WDFY4: variants seen among roughly 807,000 people sequenced by gnomAD.
WDFY4 encodes the protein WDFY family member 4.
In WDFY4, 169 loss-of-function variants were observed where a neutral mutation model predicts 351.9. The observed-to-expected ratio is 0.48, with a 90% CI of 0.42 to 0.55. The LOEUF is 0.55. Among genes scored for constraint, WDFY4 ranks in the 20% least tolerant of loss-of-function variants. The probability of loss-of-function intolerance (pLI) is 0.00; values close to 1 mark genes in which losing one functional copy is unlikely to be tolerated. For missense variants in WDFY4, 3,803 were observed against 3,935.6 expected (o/e 0.97, Z 0.90); for synonymous variants, 1,622 against 1,574.6 (o/e 1.03, Z -0.71).
At chr10:48,919,304 G>T (rs1838840018) in intron 47 of WDFY4, among the ~76,000 whole-genome samples, 1 of 152,098 alleles carries the variant, frequency 6.6e-6, no homozygotes, top group African/African-American at 2.4e-5. Context: ...GAGGAACTTA[G>T]ATAAGATCAA....
At position 48,782,743 on chromosome 10, in the gene WDFY4, G is replaced by A. The variant is rs537430396; in HGVS notation, c.3576+2624G>A. Among the ~76,000 whole-genome samples the A allele has an allele frequency of 1.2e-4, 18 of 152,352 alleles. No individual in the cohort carries two copies. The South Asian group carries it at 3.3e-3, about 28-fold the overall frequency. On this transcript the variant is annotated intron_variant, in intron 19 of 61. Coordinates refer to ENST00000325239, the MANE Select transcript of WDFY4 (RefSeq NM_001394531.1). The stretch of plus-strand genomic sequence containing the variant: ...TTAACAGCCCTTCTCAAAATGCTGA[G>A]CCTTTGTTTTTATTGCCAAAGGAAA...
At chr10:48,848,134 G>T (rs951818469) in intron 39 of WDFY4, among the ~76,000 whole-genome samples, 3 of 152,080 alleles carry the variant, frequency 2.0e-5, no homozygotes, top group South Asian at 2.1e-4. Context: ...CCTGAGCCCC[G>T]ACCATAGCTT....
At chr10:48,691,208 A>C (rs543067836) in intron 1 of WDFY4, among the ~76,000 whole-genome samples, 1 of 151,844 alleles carries the variant, frequency 6.6e-6, no homozygotes, top group South Asian at 2.1e-4. Context: ...AGAGCTAATC[A>C]AGGGTCCGGG....
chr10:48,864,900 C>T (rs147200062), intron 39 of WDFY4, among the ~76,000 whole-genome samples: 78 of 152,212 alleles, frequency 5.1e-4, no homozygotes, highest in African/African-American at 1.4e-3. Flanking sequence ...AGCTGATTTA[C>T]GTGTTTTGAT....
At position 48,957,403 on chromosome 10, in the gene WDFY4, G is replaced by C. The variant is rs200212552; in HGVS notation, c.8131+121G>C. 182 of 1,263,114 alleles carry C rather than the reference G, an allele frequency of 1.4e-4. No homozygotes were observed. The African/African-American group carries it at 2.3e-3, about 16-fold the overall frequency. 78.2% of individuals were successfully genotyped at this position (1,263,114 alleles called of 1,614,324 possible). ...AGGCCCTCCCCAGGACCTCAACTTC[G>C]GGTGAGGTCTCCACTGGGCAGCAGT... On this transcript the variant is annotated intron_variant, in intron 52 of 61. Transcript: ENST00000325239.
At chr10:48,775,678 G>T in intron 14 of WDFY4, 34 bp from the exon 15 acceptor site, 1 of 1,536,726 alleles carries the variant, frequency 6.5e-7, no homozygotes, top group Non-Finnish European at 8.8e-7. Flanking sequence ...CTAGTAAAAT[G>T]TCTTCATTTT....
chr10:48,730,170 A>T (rs550804314), intron 8 of WDFY4, among the ~76,000 whole-genome samples: 3 of 152,352 alleles, frequency 2.0e-5, no homozygotes, highest in Admixed American at 2.0e-4. Flanking sequence ...GGGAGTTTTT[A>T]AGGCTAAGTG....
rs2065274500 is a variant in WDFY4 at position 48,754,507 on chromosome 10, C to A, written c.2460-5840C>A. Among the ~76,000 whole-genome samples the A allele has an allele frequency of 3.3e-5, 5 of 151,762 alleles. No homozygotes were observed. In the South Asian group the frequency reaches 1.0e-3, roughly 31 times the overall value. On this transcript the variant is annotated intron_variant, in intron 12 of 61. Coordinates refer to ENST00000325239, the MANE Select transcript of WDFY4 (RefSeq NM_001394531.1). Reference sequence around the variant, plus strand: ...TATCAATCAAAAATCAAATTTTTGTCAATTCTCCTTTCTTGGCTCTTTTTT... The same window carrying A: ...TATCAATCAAAAATCAAATTTTTGTAAATTCTCCTTTCTTGGCTCTTTTTT...
chr10:48,963,404 G>C (rs187466340), intron 53 of WDFY4, among the ~76,000 whole-genome samples: 1 of 152,348 alleles, frequency 6.6e-6, no homozygotes, highest in Admixed American at 6.5e-5. Context: ...CTGTGCTCGA[G>C]AGCACGGTCT....
At chr10:48,716,246 T>C (rs1483032589) in intron 2 of WDFY4, among the ~76,000 whole-genome samples, 1 of 152,186 alleles carries the variant, frequency 6.6e-6, no homozygotes, top group South Asian at 2.1e-4. Flanking sequence ...TGACATTTTG[T>C]TCGTGCTGGA....
At position 48,810,618 on chromosome 10, in the gene WDFY4, G is replaced by A. The variant is rs2067414018; in HGVS notation, c.4927G>A (p.Ala1643Thr). 6.4e-7 allele frequency: 1 copy of A among 1,551,562 alleles called. No individual in the cohort carries two copies. Among genetic ancestry groups the A allele is most frequent in the Admixed American group, 2.0e-5 (1 of 50,986 alleles). ...CCTGCATGCCAGCACCACTGTGCTG[G>A]CATTGAAGCTGCTGCTGTACTTTCT... Reference protein sequence around the residue: ...GHLHASTTVLALKLLLYFLAS... With the variant: ...GHLHASTTVLTLKLLLYFLAS... Residue 1643 changes from alanine to threonine, a missense_variant, in exon 29 of 62, where the codon GCA becomes ACA. Ala to Thr is a moderately conservative substitution (Grantham distance 58). Coordinates refer to ENST00000325239, the MANE Select transcript of WDFY4 (RefSeq NM_001394531.1).
At chr10:48,732,943 G>C (rs766332888) in intron 9 of WDFY4, among the ~76,000 whole-genome samples, 1 of 152,188 alleles carries the variant, frequency 6.6e-6, no homozygotes, top group Non-Finnish European at 1.5e-5. Flanking sequence ...TGGGCCTCTG[G>C]GCCAAGCCCT....
At chr10:48,695,073 G>C (rs2063297267) in intron 1 of WDFY4, among the ~76,000 whole-genome samples, 1 of 152,254 alleles carries the variant, frequency 6.6e-6, no homozygotes, top group African/African-American at 2.4e-5. Context: ...AAGTAGAGCA[G>C]TAGCCCCAGT....
intron 47 of WDFY4, among the ~76,000 whole-genome samples, chr10:48,902,101 G>T (rs567624390): frequency 6.6e-5 from 10 of 152,370 alleles, no homozygotes; most frequent in African/African-American, 2.4e-4. Context: ...GACCCAAGTG[G>T]CAGGAAGCCA....
chr10:48,801,031 C>T (rs1166904958), intron 24 of WDFY4, among the ~76,000 whole-genome samples: 3 of 152,156 alleles, frequency 2.0e-5, no homozygotes, highest in Non-Finnish European at 4.4e-5. Flanking sequence ...CCATACCCAG[C>T]CTCTGGTTTC....
chr10:48,849,674 A>T (rs1447233574), intron 39 of WDFY4, among the ~76,000 whole-genome samples: 1 of 152,180 alleles, frequency 6.6e-6, no homozygotes, highest in East Asian at 1.9e-4. Flanking sequence ...CCACATTCAC[A>T]TTCACTACTT....
At chr10:48,745,540 G>A in intron 12 of WDFY4, 1 of 366,732 alleles carries the variant, frequency 2.7e-6, no homozygotes, top group South Asian at 2.9e-5. Context: ...GGCCTTATTG[G>A]GCTCATGGGT....
In WDFY4 at chr10:48,975,035, C is replaced by A. The variant is rs745912755; in HGVS notation, c.9102C>A (p.Asp3034Glu). The A allele has an allele frequency of 6.4e-7, 1 of 1,551,738 alleles. No individual in the cohort carries two copies. The highest frequency in any genetic ancestry group is 8.7e-7 in the Non-Finnish European group (1 of 1,147,002). The change falls in exon 58 of 62, where the codon GAC (aspartate) becomes GAA (glutamate). Residue 3034 changes from aspartate (D) to glutamate (E), a missense_variant. This residue lies in a region of WDFY4 where 3,054 missense variants were observed against 3,148.6 expected (regional missense o/e 0.97). Coordinates refer to ENST00000325239, the MANE Select transcript of WDFY4 (RefSeq NM_001394531.1). Reference sequence around the variant, plus strand: ...GCATCTCAGCCATCACCATCAGTGACGTCTCAGTAAGTCTCCTGTTTCTCA... The same window carrying A: ...GCATCTCAGCCATCACCATCAGTGAAGTCTCAGTAAGTCTCCTGTTTCTCA... The part of the protein sequence containing the change: ...REGISAITIS[D>E]VSGTIVSCAG...
chr10:48,977,443 A>G (rs1457228441), intron 59 of WDFY4, among the ~76,000 whole-genome samples: 2 of 151,730 alleles, frequency 1.3e-5, no homozygotes, highest in Admixed American at 1.3e-4. Context: ...CCATCCATCC[A>G]TCCATCCATC....
Sources: allele counts gnomAD v4.1 joint callset (sites outside exome capture counted in the v4.1 genomes callset), GRCh38; gene constraint gnomAD v4.1.1; regional missense constraint gnomAD v4.1.1; transcripts MANE v1.5; gene names NCBI Gene and HGNC (gene_info 2026-07-23, HGNC 2026-07-21).